GPKOW: variants seen among roughly 807,000 people sequenced by gnomAD.
GPKOW encodes the protein G-patch domain and KOW motifs-containing protein.
For synonymous variants in GPKOW, 167 were observed against 159.1 expected (o/e 1.05, Z -0.37); for missense variants, 359 against 404.7 (o/e 0.89, Z 0.97).
chrX:49,119,133 T>C (rs2147841459), intron 4 of GPKOW, among the ~76,000 whole-genome samples: 1 of 108,364 alleles, frequency 9.2e-6, no homozygotes, highest in African/African-American at 3.4e-5. Flanking sequence ...TTGTATTTTT[T>C]TTTTTAGTAG....
In GPKOW at chrX:49,115,996, G is replaced by A. The variant is rs1557090191; in HGVS notation, c.1035C>T (p.Ala345=). 4.9e-5 allele frequency: 59 copies of A among 1,211,544 alleles called. No individual in the cohort carries two copies. The highest frequency in any genetic ancestry group is 6.3e-5 in the Non-Finnish European group (56 of 895,264). The change falls in exon 8 of 11, where the codon GCC becomes GCT. Residue 345 remains alanine, a synonymous_variant. Coordinates refer to ENST00000156109, the MANE Select transcript of GPKOW (RefSeq NM_015698.6). The stretch of plus-strand genomic sequence containing the variant: ...TTCTGGGGGCTGCTTTCTCACTCTT[G>A]GCTGCAGGCCCATCCTGTCTGTGGA... ...HLPDRQDGPA[A]KSEKAAPRSQ... is the part of the protein sequence containing the mutation.
In GPKOW at chrX:49,122,081, C is replaced by T. The variant is rs145696531; in HGVS notation, c.456+317G>A. ...TCTGACTTCGTCTACTACCCCTTCC[C>T]CTTACTCATTCCACTTCAGTCACAC... On this transcript the variant is annotated intron_variant, in intron 3 of 10. Coordinates refer to ENST00000156109, the MANE Select transcript of GPKOW (RefSeq NM_015698.6). Among the ~76,000 whole-genome samples the T allele has an allele frequency of 4.4e-3, 493 of 112,310 alleles. 2 individuals are homozygous for T. The highest frequency in any genetic ancestry group is 0.015 in the African/African-American group (457 of 31,014).
At chrX:49,118,738 CAAAAAAAAAAAAA>C (rs781915104) in intron 4 of GPKOW, among the ~76,000 whole-genome samples, 1,656 of 6,782 alleles carry the variant, frequency 0.24, 17 homozygotes, top group Non-Finnish European at 0.39. Flanking sequence ...GACTCCATCT[CAAAAAAAAAAAAA>C]AAAAAAAAAA....
chrX:49,122,183 G>A (rs2065215160), intron 3 of GPKOW, among the ~76,000 whole-genome samples: 1 of 112,219 alleles, frequency 8.9e-6, no homozygotes, highest in Non-Finnish European at 1.9e-5. Context: ...TCCCTTTGCT[G>A]CACACCTCAT....
rs2065221389 is a variant in GPKOW, at chrX:49,123,632, G to A, written c.91C>T (p.Arg31Trp). 1 of 1,209,244 alleles carries A rather than the reference G, an allele frequency of 8.3e-7. No homozygotes were observed. Among genetic ancestry groups the A allele is most frequent in the Non-Finnish European group, 1.1e-6 (1 of 894,054 alleles). Reference protein sequence around the residue: ...FGFTRTSARRRLADSGDGAGP... With the variant: ...FGFTRTSARRWLADSGDGAGP... ...GCGCCGTCTCCCGAGTCGGCCAGCC[G>A]CCTCCGTGCGGACGTGCGAGTGAAG... The change falls in exon 1 of 11, where the codon CGG becomes TGG. Residue 31 changes from arginine (R) to tryptophan (W), a missense_variant. By Grantham distance (101) the Arg-to-Trp change is moderately radical. Coordinates refer to ENST00000156109, the MANE Select transcript of GPKOW (RefSeq NM_015698.6).
At chrX:49,119,861 G>A in intron 3 of GPKOW, 47 bp from the exon 4 acceptor site, 1 of 773,535 alleles carries the variant, frequency 1.3e-6, no homozygotes, top group Non-Finnish European at 1.9e-6. Flanking sequence ...GCTTACACTG[G>A]GTCTTCTATT....
chrX:49,117,703 C>T lies in GPKOW; in HGVS notation c.674G>A (p.Arg225Lys), dbSNP rs781998901. 1 of 1,209,911 alleles carries T rather than the reference C, an allele frequency of 8.3e-7. No individual in the cohort carries two copies. Among genetic ancestry groups the T allele is most frequent in the Non-Finnish European group, 1.1e-6 (1 of 893,847 alleles). Residue 225 changes from arginine to lysine, a missense_variant, in exon 5 of 11, where the codon AGA becomes AAA. Transcript: ENST00000156109. ...ATCTTTCTCTTGCTCCTCATCTGGT[C>T]TTGGCATGCGGGAGGGGCCAGTGGG... ...LTPTGPSRMPRPDEEQEKDKE... is the reference protein window; with the variant it reads ...LTPTGPSRMPKPDEEQEKDKE...
Position 49,119,767 on chromosome X carries a change from C to G in GPKOW, c.504G>C (p.Gly168=). The change falls in exon 4 of 11, where the codon GGG becomes GGC. Residue 168 remains glycine (G), a synonymous_variant. Transcript: ENST00000156109. The part of the protein sequence containing the change: ...NYEAVPVEAY[G]LAMLRGMGWK... ...AGCCCATGCCCCGCAGCATGGCCAGCCCATAGGCCTCCACGGGGACCGCCT... is the reference window on the plus strand; with the variant it reads ...AGCCCATGCCCCGCAGCATGGCCAGGCCATAGGCCTCCACGGGGACCGCCT... The G allele has an allele frequency of 8.3e-7, 1 of 1,204,371 alleles. No individual in the cohort carries two copies. Among genetic ancestry groups the G allele is most frequent in the Non-Finnish European group, 1.1e-6 (1 of 889,176 alleles).
At chrX:49,121,816 C>T (rs782472092) in intron 3 of GPKOW, among the ~76,000 whole-genome samples, 35 of 111,678 alleles carry the variant, frequency 3.1e-4, no homozygotes, top group Admixed American at 6.7e-4. Context: ...CTAAACCCTA[C>T]TTATCCTTCC....
chrX:49,116,132 G>T, intron 7 of GPKOW, 89 bp downstream of exon 7: 2 of 1,109,428 alleles, frequency 1.8e-6, no homozygotes, highest in Non-Finnish European at 2.5e-6. Context: ...CCTTCTATGA[G>T]CCCGCCTTGC....
At chrX:49,116,354 G>A in intron 6 of GPKOW, 31 bp from the exon 7 acceptor site, 2 of 934,531 alleles carry the variant, frequency 2.1e-6, no homozygotes, top group African/African-American at 2.0e-5. Context: ...CATCTGGCCT[G>A]TTCAAGAGGT....
chrX:49,122,283 G>A, intron 3 of GPKOW, 115 bp downstream of exon 3: 1 of 553,222 alleles, frequency 1.8e-6, no homozygotes, highest in Admixed American at 4.9e-5. Flanking sequence ...AGGAGAAGGG[G>A]CAGGTGGCGG....
intron 1 of GPKOW, 84 bp downstream of exon 1, chrX:49,123,463 C>T: frequency 8.3e-6 from 8 of 967,906 alleles, no homozygotes; most frequent in Non-Finnish European, 1.1e-5. Context: ...AGGTCACTGT[C>T]ACCAAGACAA....
intron 9 of GPKOW, among the ~76,000 whole-genome samples, chrX:49,115,232 G>A (rs1483714487): frequency 9.1e-6 from 1 of 110,284 alleles, no homozygotes; most frequent in Non-Finnish European, 1.9e-5. Flanking sequence ...GAGGCCGAGC[G>A]CGGTGGCTCA....
Position 49,122,472 on chromosome X carries a change from G to A in GPKOW, c.382C>T (p.Leu128Phe). Residue 128 changes from leucine (L) to phenylalanine (F), a missense_variant, in exon 3 of 11, where the codon CTC (leucine) becomes TTC (phenylalanine). Leu to Phe is a conservative substitution (Grantham distance 22). Transcript: ENST00000156109. ...CCTTTCTGGATCATGGGGATAGCGA[G>A]CGTGGGGTCGACACCCGCATTCTCT... ...ERENAGVDPT[L>F]AIPMIQKGCT... The A allele has an allele frequency of 8.3e-7, 1 of 1,200,277 alleles. No homozygotes were observed. The highest frequency in any genetic ancestry group is 1.1e-6 in the Non-Finnish European group (1 of 890,292).
At position 49,122,327 on chromosome X, in the gene GPKOW, G is replaced by A. The variant is rs894923527; in HGVS notation, c.456+71C>T. The stretch of plus-strand genomic sequence containing the variant: ...CACACACACAGACTTTCCCTGCTAC[G>A]TGCAGGGACACAGCCTGGCGGACAG... On this transcript the variant is annotated intron_variant, in intron 3 of 10. Transcript: ENST00000156109. 4.6e-4 allele frequency: 434 copies of A among 943,950 alleles called. 1 individual carries two copies. The highest frequency in any genetic ancestry group is 5.7e-4 in the Non-Finnish European group (399 of 705,675). 77.8% of individuals were successfully genotyped at this position (943,950 alleles called of 1,213,427 possible). A position where few individuals can be genotyped will look rare whatever the true frequency, so the allele number is the denominator to read the frequency against.
chrX:49,118,856 T>C lies in GPKOW; in HGVS notation c.566+849A>G, dbSNP rs142791430. On this transcript the variant is annotated intron_variant, in intron 4 of 10. Coordinates refer to ENST00000156109, the MANE Select transcript of GPKOW (RefSeq NM_015698.6). ...TGAGTTTGCAATTGTGAAGAAAGGG[T>C]TGCAAGTCTGCATGACAATAGCAAA... Among the ~76,000 whole-genome samples, 407 of 108,508 alleles carry C rather than the reference T, an allele frequency of 3.8e-3. 1 individual carries two copies. The highest frequency in any genetic ancestry group is 0.013 in the African/African-American group (384 of 29,903). The allele number at this position is 108,508 out of a possible 115,157, so 94.2% of individuals were successfully genotyped here. A position where few individuals can be genotyped will look rare whatever the true frequency, so the allele number is the denominator to read the frequency against.
chrX:49,120,971 A>C (rs1557090964), intron 3 of GPKOW, among the ~76,000 whole-genome samples: 1 of 111,159 alleles, frequency 9.0e-6, no homozygotes, highest in African/African-American at 3.3e-5. Context: ...GCTGACTCCA[A>C]GGTTTTTATG....
intron 3 of GPKOW, among the ~76,000 whole-genome samples, chrX:49,121,123 T>A (rs2065211707): frequency 9.0e-6 from 1 of 111,307 alleles, no homozygotes; most frequent in East Asian, 2.8e-4. Context: ...GTGAGGATCT[T>A]TTTTTTCTTT....
Sources: allele counts gnomAD v4.1 joint callset (sites outside exome capture counted in the v4.1 genomes callset), GRCh38; gene constraint gnomAD v4.1.1; transcripts MANE v1.5; gene names NCBI Gene and HGNC (gene_info 2026-07-23, HGNC 2026-07-21).